The following LPCAT1 variants were observed in gnomAD, a reference collection of about 807,000 sequenced individuals.
LPCAT1 encodes the protein lysophosphatidylcholine acyltransferase 1.
In LPCAT1, 23 loss-of-function variants were observed where a neutral mutation model predicts 60.9. The observed-to-expected ratio is 0.38, with a 90% CI of 0.27 to 0.53. The LOEUF is 0.53. Among genes scored for constraint, LPCAT1 ranks in the 20% least tolerant of loss-of-function variants. LPCAT1 has a pLI of 0.82. For missense variants in LPCAT1, 622 were observed against 723.6 expected (o/e 0.86, Z 1.61); for synonymous variants, 340 against 301.1 (o/e 1.13, Z -1.34).
rs1016334069 is a variant in LPCAT1 at position 1,501,505 on chromosome 5, G to A, written c.234C>T (p.Gly78=). ...AWPLALVASL[G]SAEKEPEQPP... is the part of the protein sequence containing the mutation. ...GCTGCTCGGGTTCCTTCTCCGCAGA[G>A]CCCAGGGATGCGACAAGTGCGAGGG... is the stretch of plus-strand genomic sequence containing the variant. The change falls in exon 2 of 14, where the codon GGC becomes GGT. Residue 78 remains glycine (G), a synonymous_variant. Transcript: ENST00000283415. 6.2e-7 allele frequency: 1 copy of A among 1,613,792 alleles called. No homozygotes were observed. Among genetic ancestry groups the A allele is most frequent in the Non-Finnish European group, 8.5e-7 (1 of 1,179,878 alleles).
In LPCAT1 at chr5:1,502,060, C is replaced by T. The variant is rs1736036581; in HGVS notation, c.136-457G>A. ...CGGTGCTGATGCCGACCAGCCCTCA[C>T]CATGGCTGTGGACACTGGCCAGTGC... is the stretch of plus-strand genomic sequence containing the variant. On this transcript the variant is annotated intron_variant, in intron 1 of 13. Transcript: ENST00000283415. The surrounding 1 kb of genome is among the most constrained non-coding windows in gnomAD (Gnocchi z 5.5). 6.6e-6 allele frequency among the ~76,000 whole-genome samples: 1 copy of T among 152,270 alleles called. No homozygotes were observed. Among genetic ancestry groups the T allele is most frequent in the South Asian group, 2.1e-4 (1 of 4,830 alleles).
Position 1,481,073 on chromosome 5 carries a change from CCA to C in LPCAT1, c.727-99_727-98del. The stretch of plus-strand genomic sequence containing the variant: ...CCGGCCTCTCCCTGCACCTCCCACC[CCA>C]CAGAGGCGCTGCAGCCAGGGGGAAG... On this transcript the variant is annotated intron_variant, in intron 6 of 13. Transcript: ENST00000283415. This position sits in a 1 kb window ranked among gnomAD's most constrained non-coding sequence, Gnocchi z 7.8. The C allele has an allele frequency of 7.0e-7, 1 of 1,420,090 alleles. No homozygotes were observed. The highest frequency in any genetic ancestry group is 9.9e-7 in the Non-Finnish European group (1 of 1,011,786). The allele number at this position is 1,420,090 out of a possible 1,614,324, so 88.0% of individuals were successfully genotyped here.
In LPCAT1 at chr5:1,462,111, G is replaced by T. The variant is rs1313185927; in HGVS notation, c.*1540C>A. ...CTGTCAGTGGAGAAACGCGTATCAC[G>T]AATCTCTGAGGAAGTTAGTAAACAT... On this transcript the variant is annotated 3_prime_UTR_variant, in exon 14 of 14. Coordinates refer to ENST00000283415, the MANE Select transcript of LPCAT1 (RefSeq NM_024830.5). 6.6e-6 allele frequency: 1 copy of T among 152,572 alleles called. No homozygotes were observed. Among genetic ancestry groups the T allele is most frequent in the Non-Finnish European group, 1.5e-5 (1 of 68,042 alleles). 9.5% of individuals were successfully genotyped at this position (152,572 alleles called of 1,614,324 possible).
Position 1,523,378 on chromosome 5 carries a change from G to A in LPCAT1, c.135+332C>T, listed in dbSNP as rs929457133. 1.3e-5 allele frequency among the ~76,000 whole-genome samples: 2 copies of A among 151,840 alleles called. No homozygotes were observed. Among genetic ancestry groups the A allele is most frequent in the Non-Finnish European group, 2.9e-5 (2 of 67,912 alleles). Reference sequence around the variant, plus strand: ...GCCGAGGTCGGGGCTCTGGGAGGCAGAGAAAGGGTTGTGGGCCCGGTTCAG... The same window carrying A: ...GCCGAGGTCGGGGCTCTGGGAGGCAAAGAAAGGGTTGTGGGCCCGGTTCAG... On this transcript the variant is annotated intron_variant, in intron 1 of 13. Transcript: ENST00000283415. The surrounding 1 kb of genome is among the most constrained non-coding windows in gnomAD (Gnocchi z 7.1).
chr5:1,493,038 A>G (rs1000075010), intron 3 of LPCAT1, among the ~76,000 whole-genome samples: 8 of 152,356 alleles, frequency 5.3e-5, no homozygotes, highest in East Asian at 3.9e-4. Context: ...GGGCTGCCCC[A>G]TGAGCCTGTG....
chr5:1,470,271 C>A (rs1458002381), intron 12 of LPCAT1, among the ~76,000 whole-genome samples: 3 of 152,248 alleles, frequency 2.0e-5, no homozygotes, highest in Non-Finnish European at 4.4e-5. Context: ...GTTACCTGGC[C>A]TCCCGCCCTC....
rs1050656193 is a variant in LPCAT1 at position 1,502,929 on chromosome 5, T to C, written c.136-1326A>G. Among the ~76,000 whole-genome samples, 1 of 152,198 alleles carries C rather than the reference T, an allele frequency of 6.6e-6. No homozygotes were observed. The highest frequency in any genetic ancestry group is 1.5e-5 in the Non-Finnish European group (1 of 68,038). ...ATTTAAAGGGAATGACAATTTAATA[T>C]ACAGCTCATTTCGCCCGGTATATCT... On this transcript the variant is annotated intron_variant, in intron 1 of 13. Coordinates refer to ENST00000283415, the MANE Select transcript of LPCAT1 (RefSeq NM_024830.5). This position sits in a 1 kb window ranked among gnomAD's most constrained non-coding sequence, Gnocchi z 5.5.
Position 1,477,762 on chromosome 5 carries a change from C to A in LPCAT1, c.817-276G>T, listed in dbSNP as rs1734981977. Among the ~76,000 whole-genome samples the A allele has an allele frequency of 6.7e-6, 1 of 149,034 alleles. No individual in the cohort carries two copies. The highest frequency in any genetic ancestry group is 2.5e-5 in the African/African-American group (1 of 40,152). On this transcript the variant is annotated intron_variant, in intron 8 of 13. Coordinates refer to ENST00000283415, the MANE Select transcript of LPCAT1 (RefSeq NM_024830.5). The surrounding 1 kb of genome is among the most constrained non-coding windows in gnomAD (Gnocchi z 6.0). ...CATCTGGCTCTCTGATCTACACTCA[C>A]CCCCGTCAGTGCTCCTGGGAGCGCC...
Position 1,474,695 on chromosome 5 carries a change from G to C in LPCAT1, c.900-10C>G. The C allele has an allele frequency of 1.2e-6, 2 of 1,610,822 alleles. No homozygotes were observed. The highest frequency in any genetic ancestry group is 1.7e-6 in the Non-Finnish European group (2 of 1,177,980). ...GGAGACACCCAAGGCCCTACAAGGA[G>C]GGCAGCACCCCCGTCAGCCCAGCCT... On this transcript the variant is annotated splice_polypyrimidine_tract_variant and intron_variant, in intron 9 of 13. Coordinates refer to ENST00000283415, the MANE Select transcript of LPCAT1 (RefSeq NM_024830.5).
intron 11 of LPCAT1, among the ~76,000 whole-genome samples, chr5:1,473,286 C>T (rs1443890193): frequency 6.6e-6 from 1 of 152,254 alleles, no homozygotes; most frequent in African/African-American, 2.4e-5. Flanking sequence ...CCAGCTCCTC[C>T]AGGACCACAG....
rs117926491 is a variant in LPCAT1, at chr5:1,497,493, G to A, written c.279-2579C>T. 2.9e-3 allele frequency among the ~76,000 whole-genome samples: 439 copies of A among 152,376 alleles called. 8 individuals carry two copies. In the East Asian group the frequency reaches 0.048, roughly 17 times the overall value. ...TGTACACAGCCTGAGTGCTGGCTAC[G>A]GTGCCAGGCCGGTGGGGTAGGGCAA... On this transcript the variant is annotated intron_variant, in intron 2 of 13. Coordinates refer to ENST00000283415, the MANE Select transcript of LPCAT1 (RefSeq NM_024830.5).
chr5:1,476,448 A>G lies in LPCAT1; in HGVS notation c.899+956T>C, dbSNP rs1377822059. On this transcript the variant is annotated intron_variant, in intron 9 of 13. Coordinates refer to ENST00000283415, the MANE Select transcript of LPCAT1 (RefSeq NM_024830.5). This position sits in a 1 kb window ranked among gnomAD's most constrained non-coding sequence, Gnocchi z 8.6. ...ATCTTCAGGGTGTCAGCGGAGTGTG[A>G]ACAAAGTGGCTCGGAGGTCAGAGCC... 6.6e-6 allele frequency among the ~76,000 whole-genome samples: 1 copy of G among 152,048 alleles called. No homozygotes were observed. Among genetic ancestry groups the G allele is most frequent in the Non-Finnish European group, 1.5e-5 (1 of 68,006 alleles).
chr5:1,478,147 A>G lies in LPCAT1; in HGVS notation c.817-661T>C, dbSNP rs1465352186. ...GTTTTGCCACCTCTTGCATTTTGAA[A>G]CTAAAAGAAATTGTCCAGTGAATTT... On this transcript the variant is annotated intron_variant, in intron 8 of 13. Coordinates refer to ENST00000283415, the MANE Select transcript of LPCAT1 (RefSeq NM_024830.5). Among the ~76,000 whole-genome samples the G allele has an allele frequency of 3.9e-5, 6 of 152,396 alleles. No homozygotes were observed. In the Middle Eastern group the frequency reaches 0.017, roughly 432 times the overall value.
At chr5:1,473,587 G>A (rs1277311319) in intron 11 of LPCAT1, among the ~76,000 whole-genome samples, 3 of 152,202 alleles carry the variant, frequency 2.0e-5, no homozygotes, top group East Asian at 1.9e-4. Flanking sequence ...CATAGAGGAC[G>A]GGCGTGTTAT....
intron 3 of LPCAT1, among the ~76,000 whole-genome samples, chr5:1,494,123 T>C (rs11954840): frequency 0.51 from 76,931 of 152,102 alleles, 20,558 homozygotes; most frequent in African/African-American, 0.69. Flanking sequence ...GGAGGGGTCA[T>C]GGCAGCACCA....
In LPCAT1 at chr5:1,496,687, C is replaced by T. The variant is rs547778015; in HGVS notation, c.279-1773G>A. Reference sequence around the variant, plus strand: ...TGCTCAGGGGAACTGTACTGGGTGTCGGGGCAGGGAAAAAGCAGCCTCAGC... The same window carrying T: ...TGCTCAGGGGAACTGTACTGGGTGTTGGGGCAGGGAAAAAGCAGCCTCAGC... On this transcript the variant is annotated intron_variant, in intron 2 of 13. Transcript: ENST00000283415. The surrounding 1 kb of genome is among the most constrained non-coding windows in gnomAD (Gnocchi z 4.7). Among the ~76,000 whole-genome samples the T allele has an allele frequency of 3.3e-5, 5 of 152,220 alleles. No individual in the cohort carries two copies. The highest frequency in any genetic ancestry group is 3.9e-4 in the East Asian group (2 of 5,180).
At position 1,522,043 on chromosome 5, in the gene LPCAT1, G is replaced by A. The variant is rs1178912608; in HGVS notation, c.135+1667C>T. 6.6e-6 allele frequency among the ~76,000 whole-genome samples: 1 copy of A among 152,222 alleles called. No homozygotes were observed. The highest frequency in any genetic ancestry group is 1.5e-5 in the Non-Finnish European group (1 of 68,032). Reference sequence around the variant, plus strand: ...GGGAGGGGCTTGATGTTTCCCCCCAGGGAGCCAGGAGGGAGTAGGAAAGGC... The same window carrying A: ...GGGAGGGGCTTGATGTTTCCCCCCAAGGAGCCAGGAGGGAGTAGGAAAGGC... On this transcript the variant is annotated intron_variant, in intron 1 of 13. Coordinates refer to ENST00000283415, the MANE Select transcript of LPCAT1 (RefSeq NM_024830.5). This position sits in a 1 kb window ranked among gnomAD's most constrained non-coding sequence, Gnocchi z 6.8.
chr5:1,474,304 C>T (rs1241346201), intron 10 of LPCAT1, among the ~76,000 whole-genome samples, 194 bp from the exon 11 acceptor site: 3 of 152,192 alleles, frequency 2.0e-5, no homozygotes, highest in Non-Finnish European at 4.4e-5. Context: ...TGCCTGTGCC[C>T]CTGAGACCCG....
chr5:1,466,687 C>G, intron 13 of LPCAT1, 62 bp downstream of exon 13: 1 of 1,535,016 alleles, frequency 6.5e-7, no homozygotes, highest in South Asian at 1.2e-5. Flanking sequence ...GGAGACTCGC[C>G]CCACACTCTG....
Sources: gnomAD v4.1 joint callset for allele counts (sites outside exome capture counted in the v4.1 genomes callset) on GRCh38, gnomAD v4.1.1 for gene constraint, Gnocchi (gnomAD v3.1) non-coding constraint, MANE v1.5 for transcripts, NCBI Gene and HGNC (gene_info 2026-07-23, HGNC 2026-07-21) for gene names.